SPIRE1: variants seen among roughly 807,000 people sequenced by gnomAD.
SPIRE1 encodes the protein spire type actin nucleation factor 1.
Under a neutral mutation model 94.1 loss-of-function variants are expected in SPIRE1, and 40 were observed. The ratio of observed to expected loss-of-function variants is 0.43; its 90% CI spans 0.33 to 0.55. The LOEUF is 0.55. Among genes scored for constraint, SPIRE1 ranks in the 20% least tolerant of loss-of-function variants. The pLI, the probability that SPIRE1 is intolerant of heterozygous loss-of-function variation, is 0.06. For synonymous variants in SPIRE1, 376 were observed against 371.7 expected (o/e 1.01, Z -0.13); for missense variants, 838 against 975.2 (o/e 0.86, Z 1.87).
intron 2 of SPIRE1, among the ~76,000 whole-genome samples, chr18:12,568,526 C>T (rs896008728): frequency 5.9e-5 from 9 of 152,154 alleles, no homozygotes; most frequent in Non-Finnish European, 7.3e-5. Context: ...ATTCTACCAT[C>T]GCATCACAAT....
intron 2 of SPIRE1, among the ~76,000 whole-genome samples, chr18:12,583,428 C>A (rs1279128287): frequency 6.6e-6 from 1 of 152,176 alleles, no homozygotes; most frequent in Non-Finnish European, 1.5e-5. Context: ...ATGGTGAAAC[C>A]TCATCTCTAC....
At position 12,493,111 on chromosome 18, in the gene SPIRE1, G is replaced by C. The variant is rs1453744342; in HGVS notation, c.1150C>G (p.Arg384Gly). Residue 384 changes from arginine to glycine, a missense_variant, in exon 8 of 17, where the codon CGG (arginine) becomes GGG (glycine). Arg to Gly is a moderately radical substitution (Grantham distance 125, BLOSUM62 -2). This residue lies in a region of SPIRE1 where 645 missense variants were observed against 804.7 expected (regional missense o/e 0.80). Coordinates refer to ENST00000409402, the MANE Select transcript of SPIRE1 (RefSeq NM_001128626.2). ...LEEIKAERKLRPVSPEEIRRS... is the reference protein window; with the variant it reads ...LEEIKAERKLGPVSPEEIRRS... ...CTAATCTCCTCTGGTGATACAGGCC[G>C]CAGCTTTCTTTCTGCTTTAATTTCT... 1.9e-6 allele frequency: 3 copies of C among 1,613,490 alleles called. No individual in the cohort carries two copies. Among genetic ancestry groups the C allele is most frequent in the Non-Finnish European group, 2.5e-6 (3 of 1,179,900 alleles).
chr18:12,593,943 G>A (rs1397128683), intron 2 of SPIRE1, among the ~76,000 whole-genome samples: 4 of 133,352 alleles, frequency 3.0e-5, no homozygotes, highest in African/African-American at 5.5e-5. Flanking sequence ...AGAGAGAAAC[G>A]CTGTCTCAAG....
intron 2 of SPIRE1, among the ~76,000 whole-genome samples, chr18:12,558,603 GT>G (rs756403333): frequency 9.9e-5 from 15 of 152,180 alleles, no homozygotes; most frequent in Admixed American, 5.2e-4. Context: ...TGATTAGTCT[GT>G]TTTGACAGAG....
intron 5 of SPIRE1, among the ~76,000 whole-genome samples, chr18:12,510,542 A>C (rs957530582): frequency 6.6e-6 from 1 of 150,996 alleles, no homozygotes; most frequent in Admixed American, 6.6e-5. Flanking sequence ...GACTTCAACA[A>C]TCTTCTTTTT....
chr18:12,583,208 C>T (rs962038958), intron 2 of SPIRE1, among the ~76,000 whole-genome samples: 9 of 152,194 alleles, frequency 5.9e-5, no homozygotes, highest in African/African-American at 1.9e-4. Context: ...AGGTGACTCA[C>T]ACCTGTAATC....
chr18:12,501,072 CAAAAAAAAAAAAA>C (rs67894900), intron 6 of SPIRE1, among the ~76,000 whole-genome samples: 19 of 80,262 alleles, frequency 2.4e-4, no homozygotes, highest in South Asian at 6.8e-4. Context: ...AACTCTGTCT[CAAAAAAAAAAAAA>C]AAAAAAAAAA....
At chr18:12,582,080 A>G (rs1302758444) in intron 2 of SPIRE1, among the ~76,000 whole-genome samples, 2 of 152,224 alleles carry the variant, frequency 1.3e-5, no homozygotes, top group South Asian at 2.1e-4. Flanking sequence ...CATGGGTACA[A>G]CATAGCAGAC....
At chr18:12,512,903 C>A (rs1035851938) in intron 4 of SPIRE1, among the ~76,000 whole-genome samples, 17 of 152,038 alleles carry the variant, frequency 1.1e-4, no homozygotes, top group African/African-American at 4.1e-4. Context: ...CCTTTCCTCA[C>A]CCCATGGCTG....
intron 2 of SPIRE1, among the ~76,000 whole-genome samples, chr18:12,619,409 G>A (rs2037399803): frequency 1.3e-5 from 2 of 152,098 alleles, no homozygotes; most frequent in Admixed American, 6.5e-5. Flanking sequence ...TCGGGAGGCT[G>A]AGGCAGGAGA....
chr18:12,529,068 C>T (rs896469721), intron 4 of SPIRE1, among the ~76,000 whole-genome samples: 3 of 152,072 alleles, frequency 2.0e-5, no homozygotes, highest in East Asian at 1.9e-4. Context: ...TAGGGCAACG[C>T]GATTAAAATG....
intron 2 of SPIRE1, among the ~76,000 whole-genome samples, chr18:12,580,130 T>A (rs1189797612): frequency 3.9e-5 from 6 of 152,144 alleles, no homozygotes; most frequent in Admixed American, 3.9e-4. Context: ...AGTACCGTCC[T>A]TGAGAAGGTA....
chr18:12,512,296 G>A (rs1314702657), intron 5 of SPIRE1, among the ~76,000 whole-genome samples, 158 bp downstream of exon 5: 11 of 151,970 alleles, frequency 7.2e-5, no homozygotes, highest in Admixed American at 2.6e-4. Flanking sequence ...CCCAGGAGGC[G>A]GGGGTTGCAG....
At chr18:12,491,051 CTA>C (rs1353506401) in intron 8 of SPIRE1, among the ~76,000 whole-genome samples, 1 of 151,868 alleles carries the variant, frequency 6.6e-6, no homozygotes, top group Non-Finnish European at 1.5e-5. Flanking sequence ...TTTCAATACA[CTA>C]ACAACAAAAA....
In SPIRE1 at chr18:12,496,121, C is replaced by T; in HGVS notation, c.973-19G>A. The T allele has an allele frequency of 1.3e-6, 2 of 1,548,748 alleles. No individual in the cohort carries two copies. Among genetic ancestry groups the T allele is most frequent in the Non-Finnish European group, 1.8e-6 (2 of 1,120,642 alleles). On this transcript the variant is annotated intron_variant, in intron 6 of 16. Transcript: ENST00000409402. Reference sequence around the variant, plus strand: ...CATTCACCTAAAAGGAGACAAAAAGCAGAAGATTCATGTGACTATATAAGA... The same window carrying T: ...CATTCACCTAAAAGGAGACAAAAAGTAGAAGATTCATGTGACTATATAAGA...
At chr18:12,518,665 T>C (rs1043734063) in intron 4 of SPIRE1, among the ~76,000 whole-genome samples, 1 of 151,784 alleles carries the variant, frequency 6.6e-6, no homozygotes, top group African/African-American at 2.4e-5. Context: ...TACCCCAGCA[T>C]AGGTGACAGA....
chr18:12,510,010 A>G (rs550600018), intron 5 of SPIRE1, among the ~76,000 whole-genome samples: 3 of 151,598 alleles, frequency 2.0e-5, no homozygotes, highest in Non-Finnish European at 4.4e-5. Flanking sequence ...GCTTGAACCC[A>G]GGAGGCGGAG....
intron 3 of SPIRE1, among the ~76,000 whole-genome samples, chr18:12,545,749 A>C (rs1314523910): frequency 6.6e-6 from 1 of 152,232 alleles, no homozygotes; most frequent in Non-Finnish European, 1.5e-5. Context: ...CAGCTGTGAC[A>C]CTTGAGATGC....
intron 5 of SPIRE1, among the ~76,000 whole-genome samples, chr18:12,510,071 CA>C (rs886908129): frequency 6.9e-6 from 1 of 145,082 alleles, no homozygotes; most frequent in African/African-American, 2.6e-5. Context: ...GGCGACAGAG[CA>C]AGACTCCATC....
Sources: gnomAD v4.1 joint callset for allele counts (sites outside exome capture counted in the v4.1 genomes callset) on GRCh38, gnomAD v4.1.1 for gene constraint, gnomAD v4.1.1 regional missense constraint, MANE v1.5 for transcripts, NCBI Gene and HGNC (gene_info 2026-07-23, HGNC 2026-07-21) for gene names.